The following MRTFA variants were observed in gnomAD, a reference collection of about 807,000 sequenced individuals.
MRTFA encodes myocardin-related transcription factor A.
A neutral mutation model predicts 83.5 loss-of-function variants in MRTFA; 20 were observed. The observed-to-expected ratio is 0.24, with a 90% CI of 0.17 to 0.35. The LOEUF (loss-of-function observed/expected upper bound fraction) is 0.35. MRTFA is among the 10% of genes least tolerant of loss of function. The pLI, the probability that MRTFA is intolerant of heterozygous loss-of-function variation, is 1.00. For missense variants in MRTFA, 1,200 were observed against 1,224.7 expected (o/e 0.98, Z 0.30); for synonymous variants, 659 against 541.2 (o/e 1.22, Z -3.02).
At position 40,550,913 on chromosome 22, in the gene MRTFA, G is replaced by A. The variant is rs182244009; in HGVS notation, c.241+1193C>T. Reference sequence around the variant, plus strand: ...GTTGCCCAGGCTGGAGTGCAGTGGCGCGATCTCGGCTCACCGCAACCTCTG... The same window carrying A: ...GTTGCCCAGGCTGGAGTGCAGTGGCACGATCTCGGCTCACCGCAACCTCTG... On this transcript the variant is annotated intron_variant, in intron 3 of 14. Transcript: ENST00000355630. Among the ~76,000 whole-genome samples the A allele has an allele frequency of 9.5e-3, 1,403 of 148,276 alleles. 5 individuals are homozygous for A. Among genetic ancestry groups the A allele is most frequent in the Non-Finnish European group, 0.016 (1,090 of 67,432 alleles).
intron 1 of MRTFA, among the ~76,000 whole-genome samples, chr22:40,602,252 T>A (rs1020831944): frequency 6.6e-6 from 1 of 152,222 alleles, no homozygotes; most frequent in African/African-American, 2.4e-5. Flanking sequence ...CAAGTGACCA[T>A]GTGCTAGATG....
chr22:40,613,713 CCTGGCTGACATGGT>C (rs1018582998), intron 1 of MRTFA, among the ~76,000 whole-genome samples: 35 of 152,046 alleles, frequency 2.3e-4, no homozygotes, highest in African/African-American at 3.1e-4. Flanking sequence ...ATTTTTCCAG[CCTGGCTGACATGGT>C]GAAACCCCAT....
chr22:40,518,827 GTC>G (rs2054808866), intron 3 of MRTFA, among the ~76,000 whole-genome samples: 1 of 146,430 alleles, frequency 6.8e-6, no homozygotes, highest in African/African-American at 2.5e-5. Flanking sequence ...AAAAACCAGT[GTC>G]TGTCTTTCCT....
intron 3 of MRTFA, among the ~76,000 whole-genome samples, chr22:40,496,379 G>A (rs1602336617): frequency 6.9e-6 from 1 of 145,034 alleles, no homozygotes. Flanking sequence ...GGAGAGAGTA[G>A]AAGCACAGTC....
At chr22:40,629,324 T>C (rs2056615608) in intron 1 of MRTFA, among the ~76,000 whole-genome samples, 1 of 151,826 alleles carries the variant, frequency 6.6e-6, no homozygotes, top group Non-Finnish European at 1.5e-5. Context: ...CACATGCCTG[T>C]AGTCCCAGCT....
chr22:40,610,328 A>T (rs2056372926), intron 1 of MRTFA, among the ~76,000 whole-genome samples: 1 of 152,126 alleles, frequency 6.6e-6, no homozygotes, highest in East Asian at 1.9e-4. Flanking sequence ...GATTACAGGC[A>T]TAAGCCACCA....
chr22:40,517,448 A>C (rs2054780182), intron 3 of MRTFA, among the ~76,000 whole-genome samples: 2 of 152,246 alleles, frequency 1.3e-5, no homozygotes, highest in Non-Finnish European at 2.9e-5. Context: ...GTTCACATGA[A>C]AGGCAATATA....
intron 2 of MRTFA, among the ~76,000 whole-genome samples, chr22:40,562,198 T>C (rs925092334): frequency 4.0e-4 from 55 of 138,792 alleles, no homozygotes; most frequent in Non-Finnish European, 7.9e-4. Context: ...GCCTGGGCGA[T>C]AGAGCGAGAC....
chr22:40,546,469 T>C (rs1879942852), intron 3 of MRTFA, among the ~76,000 whole-genome samples: 2 of 152,158 alleles, frequency 1.3e-5, no homozygotes, highest in Admixed American at 6.5e-5. Context: ...AAGCCAACCA[T>C]GTCAAATGAT....
chr22:40,589,004 T>C (rs1304512168), intron 2 of MRTFA, among the ~76,000 whole-genome samples: 1 of 152,060 alleles, frequency 6.6e-6, no homozygotes, highest in Non-Finnish European at 1.5e-5. Flanking sequence ...AAAGATCATA[T>C]AGTCTGAGGT....
At chr22:40,486,353 A>G (rs1483458934) in intron 3 of MRTFA, among the ~76,000 whole-genome samples, 4 of 152,248 alleles carry the variant, frequency 2.6e-5, no homozygotes, top group Non-Finnish European at 4.4e-5. Flanking sequence ...TTTTGTAACT[A>G]TGAGATTGCA....
chr22:40,472,815 G>A (rs920459853), intron 3 of MRTFA, among the ~76,000 whole-genome samples: 1 of 152,194 alleles, frequency 6.6e-6, no homozygotes, highest in African/African-American at 2.4e-5. Flanking sequence ...GGGCAACAGA[G>A]ACCACAACAA....
intron 1 of MRTFA, among the ~76,000 whole-genome samples, chr22:40,601,061 C>A (rs1226527582): frequency 1.3e-5 from 2 of 152,110 alleles, no homozygotes; most frequent in African/African-American, 4.8e-5. Flanking sequence ...TAATAAAGTT[C>A]CCAGTTTTCC....
In MRTFA at chr22:40,450,712, T is replaced by C. The variant is rs547282032; in HGVS notation, c.307+12509A>G. 5.3e-5 allele frequency among the ~76,000 whole-genome samples: 8 copies of C among 151,812 alleles called. No individual in the cohort carries two copies. The South Asian group carries it at 6.2e-4, about 12-fold the overall frequency. ...ACCTCAAGTGATCCACCCACCTCAA[T>C]CTCCCAAAGTGCTGGGATTACAGGC... On this transcript the variant is annotated intron_variant, in intron 4 of 14. Transcript: ENST00000355630.
In MRTFA at chr22:40,580,145, T is replaced by TA. The variant is rs199991412; in HGVS notation, c.-22+14528dup. Among the ~76,000 whole-genome samples the TA allele has an allele frequency of 2.0e-3, 303 of 152,134 alleles. 2 individuals carry two copies. The highest frequency in any genetic ancestry group is 6.1e-3 in the African/African-American group (255 of 41,530). ...TTAGGACAGCAAATATAGAAACATG[T>TA]AAAAAAAATATGTAAGCCCAATAAT... On this transcript the variant is annotated intron_variant, in intron 2 of 14. Coordinates refer to ENST00000355630, the MANE Select transcript of MRTFA (RefSeq NM_020831.6).
chr22:40,471,199 T>G (rs1216898310), intron 3 of MRTFA, among the ~76,000 whole-genome samples: 1 of 99,526 alleles, frequency 1.0e-5, no homozygotes, highest in African/African-American at 4.1e-5. Context: ...CTGGCCAACA[T>G]GACAAAGCCC....
intron 3 of MRTFA, among the ~76,000 whole-genome samples, chr22:40,498,273 ATTTTTT>A (rs1189933906): frequency 9.8e-5 from 4 of 40,962 alleles, no homozygotes; most frequent in African/African-American, 3.2e-4. Context: ...ATATATATAT[ATTTTTT>A]TTTTTTTTTT....
intron 1 of MRTFA, among the ~76,000 whole-genome samples, chr22:40,611,661 T>C (rs2056389733): frequency 6.6e-6 from 1 of 152,150 alleles, no homozygotes; most frequent in African/African-American, 2.4e-5. Flanking sequence ...TTGACCAAGG[T>C]TAGAGAAATG....
Position 40,418,974 on chromosome 22 carries a change from G to C in MRTFA, c.1764C>G (p.Thr588=). Reference sequence around the variant, plus strand: ...GGATCTGCAGTGGCGAGGCCTGCAGGGTCAGCTGCGTCAGAGGTGATGTCA... The same window carrying C: ...GGATCTGCAGTGGCGAGGCCTGCAGCGTCAGCTGCGTCAGAGGTGATGTCA... The change falls in exon 12 of 15, where the codon ACC becomes ACG. Residue 588 remains threonine (T), a synonymous_variant. Transcript: ENST00000355630. The C allele has an allele frequency of 6.2e-7, 1 of 1,612,854 alleles. No individual in the cohort carries two copies. The highest frequency in any genetic ancestry group is 2.2e-5 in the East Asian group (1 of 44,870).
Sources: gnomAD v4.1 joint callset for allele counts (sites outside exome capture counted in the v4.1 genomes callset) on GRCh38, gnomAD v4.1.1 for gene constraint, MANE v1.5 for transcripts, NCBI Gene and HGNC (gene_info 2026-07-23, HGNC 2026-07-21) for gene names.